DGKZ: variants seen among roughly 807,000 people sequenced by gnomAD.
DGKZ encodes DAG kinase zeta.
A neutral mutation model predicts 142.5 loss-of-function variants in DGKZ; 45 were observed. That is an observed-to-expected ratio of 0.32 (90% CI 0.25 to 0.40). The LOEUF (loss-of-function observed/expected upper bound fraction) is 0.40, where lower values mean the gene tolerates loss of function less well. Among genes scored for constraint, DGKZ ranks in the 10% least tolerant of loss-of-function variants. DGKZ has a pLI of 1.00. For synonymous variants in DGKZ, 442 were observed against 527.0 expected (o/e 0.84, Z 2.21); for missense variants, 755 against 1,306.5 (o/e 0.58, Z 6.51).
intron 1 of DGKZ, among the ~76,000 whole-genome samples, chr11:46,360,363 T>C (rs1384742707): frequency 1.3e-5 from 2 of 152,152 alleles, no homozygotes; most frequent in Non-Finnish European, 2.9e-5. Context: ...AAAACTCTTT[T>C]GGGATCTTCA....
At chr11:46,374,121 C>T (rs1296543080) in intron 14 of DGKZ, 36 bp from the exon 15 acceptor site, 1 of 1,605,964 alleles carries the variant, frequency 6.2e-7, no homozygotes, top group East Asian at 2.2e-5. Flanking sequence ...ATTTGTGAGG[C>T]CCAGCCCTCA....
chr11:46,337,468 G>A (rs894044840), intron 1 of DGKZ, among the ~76,000 whole-genome samples: 3 of 151,746 alleles, frequency 2.0e-5, no homozygotes, highest in African/African-American at 7.3e-5. Context: ...GCTAATTTTT[G>A]TATTTTTAGT....
At chr11:46,375,922 A>C (rs1185757618) in exon 21 of DGKZ, 1 of 1,603,076 alleles carries the variant, frequency 6.2e-7, no homozygotes, top group Non-Finnish European at 8.5e-7. Flanking sequence ...GAGGCCCTGC[A>C]CTACGACAAG....
At chr11:46,380,157 G>C (rs1945056742) in exon 31 of DGKZ, 1 of 550,312 alleles carries the variant, frequency 1.8e-6, no homozygotes, top group African/African-American at 1.9e-5. Flanking sequence ...GACCCCGCCG[G>C]ACCCGGAGGC....
At chr11:46,379,152 G>T (rs1356922774) in intron 28 of DGKZ, 41 bp downstream of exon 28, 1 of 1,611,780 alleles carries the variant, frequency 6.2e-7, no homozygotes, top group Non-Finnish European at 8.5e-7. Flanking sequence ...GGCCAAGGTG[G>T]GAGGAGGAGG....
chr11:46,380,054 C>T (rs1364001676), exon 31 of DGKZ: 10 of 1,165,288 alleles, frequency 8.6e-6, no homozygotes, highest in Non-Finnish European at 1.2e-5. Context: ...GGGACCTAGG[C>T]CCCAGGGAAA....
rs887417482 is a variant in DGKZ, at chr11:46,347,943, G to C, written c.161+123G>C. On this transcript the variant is annotated intron_variant, in intron 1 of 30. Coordinates refer to ENST00000527911, the Ensembl canonical transcript of DGKZ. The surrounding 1 kb of genome is among the most constrained non-coding windows in gnomAD (Gnocchi z 6.4). ...CGGTACTGACACTGAGTCGGGGAGA[G>C]GCTGGCACCGGCGGCACGAGCCGTC... 31 of 1,220,354 alleles carry C rather than the reference G, an allele frequency of 2.5e-5. No individual in the cohort carries two copies. Among genetic ancestry groups the C allele is most frequent in the Non-Finnish European group, 3.2e-5 (31 of 970,472 alleles). 75.6% of individuals were successfully genotyped at this position (1,220,354 alleles called of 1,614,324 possible).
Position 46,378,708 on chromosome 11 carries a change from A to G in DGKZ, c.2418+208A>G, listed in dbSNP as rs11827909. On this transcript the variant is annotated intron_variant, in intron 27 of 30. Transcript: ENST00000527911. ...AGATGGCTCCTAGTAGGGGCTTCCT[A>G]GCTCAGTCCACCTGTCCCTGGTGCT... The G allele has an allele frequency of 0.01, 8,544 of 846,046 alleles. 505 individuals carry two copies. In the African/African-American group the frequency reaches 0.12, roughly 12 times the overall value. The allele number at this position is 846,046 out of a possible 1,614,324, so 52.4% of individuals were successfully genotyped here. A position where few individuals can be genotyped will look rare whatever the true frequency, so the allele number is the denominator to read the frequency against.
chr11:46,367,355 T>C lies in DGKZ; in HGVS notation c.226T>C (p.Cys76Arg). 1 of 1,613,130 alleles carries C rather than the reference T, an allele frequency of 6.2e-7. No individual in the cohort carries two copies. Among genetic ancestry groups the C allele is most frequent in the African/African-American group, 1.3e-5 (1 of 75,046 alleles). ...CCCTCCGCCCACCCCTGGGGCCCCG[T>C]GCAGCGAGTCAGAGCGGCAGATCCG... The change falls in exon 2 of 31, where the codon TGC becomes CGC. Residue 76 changes from cysteine to arginine, a missense_variant. Coordinates refer to ENST00000527911, the Ensembl canonical transcript of DGKZ. The surrounding 1 kb of genome is among the most constrained non-coding windows in gnomAD (Gnocchi z 4.1).
intron 19 of DGKZ, 46 bp from the exon 20 acceptor site, chr11:46,375,386 G>A (rs773355992): frequency 6.6e-6 from 10 of 1,524,938 alleles, no homozygotes; most frequent in Non-Finnish European, 8.8e-6. Context: ...GGACCCCCCT[G>A]CCCCCAGCCC....
chr11:46,379,896 C>T (rs1945031770), exon 31 of DGKZ: 4 of 1,609,778 alleles, frequency 2.5e-6, no homozygotes, highest in Non-Finnish European at 2.5e-6. Flanking sequence ...ACCTGGAGAA[C>T]CGGCAGCACT....
chr11:46,334,704 C>T (rs975609688), intron 1 of DGKZ, among the ~76,000 whole-genome samples: 25 of 152,174 alleles, frequency 1.6e-4, no homozygotes, highest in African/African-American at 4.3e-4. Flanking sequence ...GTGGGTACAC[C>T]GGGCTCCATT....
chr11:46,340,109 G>A (rs1043912007), intron 1 of DGKZ, among the ~76,000 whole-genome samples: 2 of 152,254 alleles, frequency 1.3e-5, no homozygotes, highest in African/African-American at 4.8e-5. Context: ...CACAGAGCCA[G>A]TAACTGGTGG....
chr11:46,352,598 A>G (rs1330249043), intron 1 of DGKZ, among the ~76,000 whole-genome samples: 1 of 152,158 alleles, frequency 6.6e-6, no homozygotes, highest in Non-Finnish European at 1.5e-5. Context: ...GGCCATGTTC[A>G]TTAAGGCCTC....
At chr11:46,336,539 G>A (rs942624495) in intron 1 of DGKZ, among the ~76,000 whole-genome samples, 1 of 152,166 alleles carries the variant, frequency 6.6e-6, no homozygotes, top group Non-Finnish European at 1.5e-5. Context: ...ACCAGCCTGA[G>A]TGACACAGTG....
At chr11:46,346,414 G>A (rs963930688), upstream of DGKZ, among the ~76,000 whole-genome samples, 11 of 152,330 alleles carry the variant, frequency 7.2e-5, no homozygotes, top group Admixed American at 3.3e-4. Flanking sequence ...GGGGCCATCA[G>A]AAACAGCCCC....
intron 1 of DGKZ, among the ~76,000 whole-genome samples, chr11:46,352,605 C>T (rs1370886430): frequency 6.6e-6 from 1 of 152,232 alleles, no homozygotes. Flanking sequence ...TTCATTAAGG[C>T]CTCATCACAG....
At chr11:46,361,292 A>G (rs954221917) in intron 1 of DGKZ, among the ~76,000 whole-genome samples, 3 of 152,160 alleles carry the variant, frequency 2.0e-5, no homozygotes, top group Non-Finnish European at 4.4e-5. Context: ...CCTGGCTCCC[A>G]CTTCTCCCTC....
chr11:46,346,294 G>A (rs1940605081), upstream of DGKZ, among the ~76,000 whole-genome samples: 3 of 152,230 alleles, frequency 2.0e-5, no homozygotes, highest in Admixed American at 2.0e-4. Context: ...TTGGCAGAGA[G>A]GCGTGCACAC....
Sources: gnomAD v4.1 joint callset for allele counts (sites outside exome capture counted in the v4.1 genomes callset) on GRCh38, gnomAD v4.1.1 for gene constraint, Gnocchi (gnomAD v3.1) non-coding constraint, MANE v1.5 for transcripts, NCBI Gene and HGNC (gene_info 2026-07-23, HGNC 2026-07-21) for gene names.